The following NIN variants were observed in gnomAD, a reference collection of about 807,000 sequenced individuals.
The protein encoded by NIN is ninein.
In NIN, 137 loss-of-function variants were observed where a neutral mutation model predicts 257.6. That is an observed-to-expected ratio of 0.53 (90% CI 0.46 to 0.61). The LOEUF is 0.61. NIN is among the 20% of genes least tolerant of loss of function. NIN has a pLI of 0.00. For missense variants in NIN, 2,439 were observed against 2,501.2 expected (o/e 0.98, Z 0.53); for synonymous variants, 918 against 919.8 (o/e 1.00, Z 0.04).
At chr14:50,821,806 C>T in intron 3 of NIN, 68 bp downstream of exon 3, 1 of 1,316,756 alleles carries the variant, frequency 7.6e-7, no homozygotes, top group Admixed American at 1.9e-5. Context: ...TGTGGTCCGC[C>T]CCACCCCCAG....
At chr14:50,777,874 T>C (rs1052621667) in intron 6 of NIN, among the ~76,000 whole-genome samples, 2 of 152,238 alleles carry the variant, frequency 1.3e-5, no homozygotes, top group African/African-American at 4.8e-5. Context: ...AAACATGAGA[T>C]AATTACTGGC....
chr14:50,817,543 G>A (rs1471334898), intron 3 of NIN, among the ~76,000 whole-genome samples: 1 of 152,154 alleles, frequency 6.6e-6, no homozygotes, highest in Non-Finnish European at 1.5e-5. Flanking sequence ...GATTACCAAA[G>A]TCTAGATTAC....
rs34366314 is a variant in NIN, at chr14:50,783,223, A to AT, written c.436-4420dup. Among the ~76,000 whole-genome samples, 4 of 144,392 alleles carry AT rather than the reference A, an allele frequency of 2.8e-5. No individual in the cohort carries two copies. In the South Asian group the frequency reaches 6.5e-4, roughly 24 times the overall value. The allele number at this position is 144,392 out of a possible 152,430, so 94.7% of individuals were successfully genotyped here. On this transcript the variant is annotated intron_variant, in intron 5 of 30. Transcript: ENST00000530997. ...GCTACCACGCCCGGCTCATTTTTGT[A>AT]TTTTTTTTTTTTTGTAGAGATGGGG...
At chr14:50,753,060 G>A (rs1201525094) in intron 20 of NIN, among the ~76,000 whole-genome samples, 3 of 152,094 alleles carry the variant, frequency 2.0e-5, no homozygotes, top group Non-Finnish European at 4.4e-5. Flanking sequence ...AGCAAAATTT[G>A]GAAATTTTAT....
rs1219182301 is a variant in NIN, at chr14:50,733,400, G to A, written c.5877+2116C>T. On this transcript the variant is annotated intron_variant, in intron 28 of 30. Coordinates refer to ENST00000530997, the MANE Select transcript of NIN (RefSeq NM_020921.4). ...GCCACTGTGCCTGGCCAATAATTCAGTTCCATTTCCTAATGAAAGTTTCAT... is the reference window on the plus strand; with the variant it reads ...GCCACTGTGCCTGGCCAATAATTCAATTCCATTTCCTAATGAAAGTTTCAT... 2.0e-5 allele frequency among the ~76,000 whole-genome samples: 3 copies of A among 152,136 alleles called. No individual in the cohort carries two copies. The East Asian group carries it at 5.8e-4, about 29-fold the overall frequency.
chr14:50,759,221 T>C (rs971879960), intron 17 of NIN, among the ~76,000 whole-genome samples: 9 of 152,228 alleles, frequency 5.9e-5, no homozygotes, highest in Admixed American at 3.9e-4. Flanking sequence ...AGTTTATTAA[T>C]AGCTTTTCTC....
intron 4 of NIN, among the ~76,000 whole-genome samples, chr14:50,805,081 A>G (rs1018372035): frequency 6.6e-6 from 1 of 152,252 alleles, no homozygotes; most frequent in Non-Finnish European, 1.5e-5. Context: ...CAGGAGGATC[A>G]TGTGGATTAG....
At chr14:50,828,019 G>C (rs1331316634) in intron 2 of NIN, among the ~76,000 whole-genome samples, 1 of 150,294 alleles carries the variant, frequency 6.7e-6, no homozygotes, top group Non-Finnish European at 1.5e-5. Flanking sequence ...AACGCCATTA[G>C]CCTGGCACAA....
chr14:50,808,162 G>C (rs1251803888), intron 3 of NIN, among the ~76,000 whole-genome samples: 1 of 152,132 alleles, frequency 6.6e-6, no homozygotes, highest in Non-Finnish European at 1.5e-5. Context: ...GAAGATCCAG[G>C]GAGGCACAAT....
At chr14:50,817,516 A>C (rs2044964306) in intron 3 of NIN, among the ~76,000 whole-genome samples, 1 of 152,154 alleles carries the variant, frequency 6.6e-6, no homozygotes, top group African/African-American at 2.4e-5. Context: ...TAATACTAAA[A>C]ATTTCAACAT....
intron 4 of NIN, among the ~76,000 whole-genome samples, chr14:50,805,102 G>A (rs537976912): frequency 6.6e-6 from 1 of 152,272 alleles, no homozygotes; most frequent in South Asian, 2.1e-4. Flanking sequence ...CGGCAGGACC[G>A]CCTGTTCCAA....
chr14:50,735,325 G>A (rs1265428580), intron 28 of NIN, among the ~76,000 whole-genome samples, 191 bp downstream of exon 28: 1 of 152,150 alleles, frequency 6.6e-6, no homozygotes, highest in East Asian at 1.9e-4. Context: ...AAGCAGTATG[G>A]CTTCCTATGG....
rs369042386 is a variant in NIN, at chr14:50,798,773, T to C, written c.266-5892A>G. 1.6e-3 allele frequency among the ~76,000 whole-genome samples: 241 copies of C among 152,356 alleles called. 7 individuals carry two copies. The South Asian group carries it at 0.042, about 27-fold the overall frequency. On this transcript the variant is annotated intron_variant, in intron 4 of 30. Transcript: ENST00000530997. ...CATTTAGTGTGATGCACACTGTCCA[T>C]AGCTCCCTATTTATTTATTTATTTG...
chr14:50,829,999 G>GA (rs757997781), intron 2 of NIN, among the ~76,000 whole-genome samples: 11 of 152,126 alleles, frequency 7.2e-5, no homozygotes, highest in Non-Finnish European at 1.5e-4. Context: ...ATTATACTGG[G>GA]AAACTGTTTA....
Position 50,722,400 on chromosome 14 carries a change from T to C in NIN, c.*1063A>G. ...GGTTTTTAACCCTAAAATCAAGGCC[T>C]TTTTTCCCCCAGAATATTAAATTTA... On this transcript the variant is annotated 3_prime_UTR_variant, in exon 31 of 31. Coordinates refer to ENST00000530997, the MANE Select transcript of NIN (RefSeq NM_020921.4). 1 of 210,338 alleles carries C rather than the reference T, an allele frequency of 4.8e-6. No individual in the cohort carries two copies. Among genetic ancestry groups the C allele is most frequent in the Non-Finnish European group, 9.7e-6 (1 of 103,258 alleles). The allele number at this position is 210,338 out of a possible 1,614,324, so 13.0% of individuals were successfully genotyped here. A position where few individuals can be genotyped will look rare whatever the true frequency, so the allele number is the denominator to read the frequency against.
At position 50,735,462 on chromosome 14, in the gene NIN, C is replaced by CATT. The variant is rs74840453; in HGVS notation, c.5877+51_5877+53dup. The CATT allele has an allele frequency of 2.8e-5, 44 of 1,586,416 alleles. No homozygotes were observed. The East Asian group carries it at 5.4e-4, about 20-fold the overall frequency. On this transcript the variant is annotated intron_variant, in intron 28 of 30. Transcript: ENST00000530997. Reference sequence around the variant, plus strand: ...GTCTAGTCTCTCCCAACAAATACCTCATTCATGGATTAACATATTCTTCAT... The same window carrying CATT: ...GTCTAGTCTCTCCCAACAAATACCTCATTATTCATGGATTAACATATTCTTCAT...
At position 50,772,452 on chromosome 14, in the gene NIN, C is replaced by T; in HGVS notation, c.830G>A (p.Gly277Glu). ...TGCTGATGAGGTTGTGGTACGTCGT[C>T]CACTCTCATCGAAAGACTGGAAGGA... Reference protein sequence around the residue: ...HLSMQSFDESGRRTTTSSAMT... With the variant: ...HLSMQSFDESERRTTTSSAMT... The change falls in exon 9 of 31, where the codon GGA (glycine) becomes GAA (glutamate). Residue 277 changes from glycine to glutamate, a missense_variant. Gly to Glu is a moderately conservative substitution (Grantham distance 98, BLOSUM62 -2). This residue lies in a region of NIN where 387 missense variants were observed against 427.3 expected (regional missense o/e 0.91). Coordinates refer to ENST00000530997, the MANE Select transcript of NIN (RefSeq NM_020921.4). 1 of 1,614,128 alleles carries T rather than the reference C, an allele frequency of 6.2e-7. No homozygotes were observed. The highest frequency in any genetic ancestry group is 8.5e-7 in the Non-Finnish European group (1 of 1,180,012).
chr14:50,725,691 C>T (rs764745354), intron 30 of NIN: 1 of 540,008 alleles, frequency 1.9e-6, no homozygotes, highest in South Asian at 3.2e-5. Flanking sequence ...ATCTTAGGTC[C>T]ATGTAAATCA....
chr14:50,760,395 C>G (rs1056340016), intron 16 of NIN, 36 bp from the exon 17 acceptor site: 14 of 1,522,412 alleles, frequency 9.2e-6, no homozygotes, highest in Non-Finnish European at 1.2e-5. Flanking sequence ...CAAGATTACT[C>G]AGCTCAAGGT....
Sources: gnomAD v4.1 joint callset for allele counts (sites outside exome capture counted in the v4.1 genomes callset) on GRCh38, gnomAD v4.1.1 for gene constraint, gnomAD v4.1.1 regional missense constraint, MANE v1.5 for transcripts, NCBI Gene and HGNC (gene_info 2026-07-23, HGNC 2026-07-21) for gene names.